PXT1: variants seen among roughly 807,000 people sequenced by gnomAD.
The protein encoded by PXT1 is peroxisomal testis-specific protein 1.
In PXT1, 11 loss-of-function variants were observed where a neutral mutation model predicts 11.0. The ratio of observed to expected loss-of-function variants is 1.00; its 90% CI spans 0.63 to 1.66. The LOEUF is 1.66. Ranked by LOEUF, PXT1 falls within the 40% of genes most tolerant of loss-of-function variation. The pLI is 0.00. For synonymous variants in PXT1, 43 were observed against 51.4 expected, an observed-to-expected ratio of 0.84 and a Z score of 0.70; for missense variants, 141 against 155.5, an observed-to-expected ratio of 0.91 and a Z score of 0.49.
chr6:36,428,259 C>T (rs551433256), intron 2 of PXT1, among the ~76,000 whole-genome samples: 13 of 152,142 alleles, frequency 8.5e-5, no homozygotes, highest in African/African-American at 3.1e-4. Context: ...TCCTGGCTAA[C>T]ACGGTGAAAC....
At chr6:36,432,292 G>T (rs1392153546) in intron 2 of PXT1, among the ~76,000 whole-genome samples, 1 of 151,978 alleles carries the variant, frequency 6.6e-6, no homozygotes, top group African/African-American at 2.4e-5. Flanking sequence ...AAGCCCAAAG[G>T]TAGTAAAGAA....
rs1774599888 is a variant in PXT1 at position 36,425,960 on chromosome 6, G to A, written c.123C>T (p.Thr41=). ...LKYSFQKAYM[T]QLVSSQPVPA... ...GAACTGGCTGGGAGCTGACAAGTTG[G>A]GTCATGTATGCCTTCTGAAAACTGT... Residue 41 remains threonine, a synonymous_variant, in exon 3 of 5, where the codon ACC becomes ACT. Transcript: ENST00000454782. The A allele has an allele frequency of 9.8e-6, 15 of 1,535,374 alleles. No individual in the cohort carries two copies. Among genetic ancestry groups the A allele is most frequent in the Non-Finnish European group, 1.2e-5 (14 of 1,146,364 alleles).
intron 4 of PXT1, among the ~76,000 whole-genome samples, chr6:36,396,852 T>G (rs1424195202): frequency 6.6e-6 from 1 of 151,950 alleles, no homozygotes; most frequent in African/African-American, 2.4e-5. Context: ...AACAACAAGT[T>G]GCAGAGAGGA....
intron 3 of PXT1, among the ~76,000 whole-genome samples, chr6:36,407,961 T>C (rs1433039932): frequency 1.3e-5 from 2 of 150,352 alleles, no homozygotes; most frequent in African/African-American, 4.9e-5. Flanking sequence ...TTCTTTCTTT[T>C]TTTTTTTTTT....
At chr6:36,423,375 C>A (rs1008896535) in intron 3 of PXT1, among the ~76,000 whole-genome samples, 1 of 152,276 alleles carries the variant, frequency 6.6e-6, no homozygotes, top group Non-Finnish European at 1.5e-5. Context: ...GTGAGAACCC[C>A]GCTCCCGCCC....
intron 1 of PXT1, among the ~76,000 whole-genome samples, chr6:36,441,051 G>A (rs1485444072): frequency 1.3e-5 from 2 of 149,962 alleles, no homozygotes; most frequent in East Asian, 2.0e-4. Context: ...AGGATAGCTT[G>A]AGCCTAGGAG....
intron 3 of PXT1, among the ~76,000 whole-genome samples, chr6:36,417,744 G>A (rs1343302832): frequency 4.1e-5 from 6 of 147,826 alleles, no homozygotes; most frequent in African/African-American, 7.5e-5. Flanking sequence ...CTCCAGCCTC[G>A]GAGACACAGT....
intron 3 of PXT1, among the ~76,000 whole-genome samples, chr6:36,403,331 C>T (rs562047129): frequency 6.6e-6 from 1 of 152,260 alleles, no homozygotes; most frequent in African/African-American, 2.4e-5. Flanking sequence ...TAGCACGGAC[C>T]CTGAACTAAA....
At chr6:36,395,339 G>T (rs1169074672) in intron 4 of PXT1, among the ~76,000 whole-genome samples, 1 of 152,046 alleles carries the variant, frequency 6.6e-6, no homozygotes, top group African/African-American at 2.4e-5. Flanking sequence ...CTAGAGAATC[G>T]ATGTGACTGC....
chr6:36,418,914 T>A (rs1206165564), intron 3 of PXT1, among the ~76,000 whole-genome samples: 1 of 151,940 alleles, frequency 6.6e-6, no homozygotes, highest in Admixed American at 6.6e-5. Flanking sequence ...AGGGGGGAGA[T>A]AGTGTGGGGC....
intron 1 of PXT1, 100 bp downstream of exon 1, chr6:36,442,435 T>C (rs1297767301): frequency 3.3e-5 from 5 of 152,286 alleles, no homozygotes; most frequent in African/African-American, 1.2e-4. Context: ...TATATAGATG[T>C]TTTTTGAATG....
intron 3 of PXT1, among the ~76,000 whole-genome samples, chr6:36,403,226 C>T (rs894018955): frequency 3.9e-5 from 6 of 152,180 alleles, no homozygotes; most frequent in African/African-American, 1.4e-4. Flanking sequence ...TGGTTTAGAG[C>T]AGTTGAGTAA....
intron 3 of PXT1, among the ~76,000 whole-genome samples, chr6:36,421,571 T>C (rs112310333): frequency 0.027 from 4,108 of 152,294 alleles, 180 homozygotes; most frequent in African/African-American, 0.092. Context: ...AAGACAAATA[T>C]TAGGGGAGAA....
At chr6:36,407,546 A>G (rs913282196) in intron 3 of PXT1, among the ~76,000 whole-genome samples, 2 of 151,870 alleles carry the variant, frequency 1.3e-5, no homozygotes, top group African/African-American at 2.4e-5. Context: ...TAAATGGCCC[A>G]GTAAGGAATT....
At chr6:36,441,784 A>T (rs1038466747) in intron 1 of PXT1, among the ~76,000 whole-genome samples, 2 of 152,234 alleles carry the variant, frequency 1.3e-5, no homozygotes, top group Non-Finnish European at 2.9e-5. Context: ...GAAAAAATTT[A>T]TGTCTTCAGT....
chr6:36,406,924 C>T (rs1285660034), intron 3 of PXT1, among the ~76,000 whole-genome samples: 2 of 152,112 alleles, frequency 1.3e-5, no homozygotes, highest in Admixed American at 1.3e-4. Flanking sequence ...GAAACCACAT[C>T]TTTCTGGAGG....
intron 3 of PXT1, among the ~76,000 whole-genome samples, chr6:36,418,761 C>T (rs1294957644): frequency 1.3e-5 from 2 of 152,198 alleles, no homozygotes; most frequent in Non-Finnish European, 2.9e-5. Context: ...CCTGAGGGCA[C>T]TGGAGAGTAC....
chr6:36,442,529 A>G lies in PXT1; in HGVS notation c.-130+6T>C, dbSNP rs1774892759. Reference sequence around the variant, plus strand: ...ATTTGTAATACACCTTTGTAATAGCAGGTACCTTCATGAAACTCAGTATTT... The same window carrying G: ...ATTTGTAATACACCTTTGTAATAGCGGGTACCTTCATGAAACTCAGTATTT... On this transcript the variant is annotated splice_donor_region_variant and intron_variant, in intron 1 of 4. Transcript: ENST00000454782. 1 of 152,208 alleles carries G rather than the reference A, an allele frequency of 6.6e-6. No individual in the cohort carries two copies. The highest frequency in any genetic ancestry group is 1.5e-5 in the Non-Finnish European group (1 of 68,040). 9.4% of individuals were successfully genotyped at this position (152,208 alleles called of 1,614,324 possible). A position where few individuals can be genotyped will look rare whatever the true frequency, so the allele number is the denominator to read the frequency against.
chr6:36,404,628 T>C (rs1418039305), intron 3 of PXT1, among the ~76,000 whole-genome samples: 1 of 151,976 alleles, frequency 6.6e-6, no homozygotes, highest in South Asian at 2.1e-4. Flanking sequence ...GGACTGTTAT[T>C]TTAGAGTATA....
Sources: gnomAD v4.1 joint callset for allele counts (sites outside exome capture counted in the v4.1 genomes callset) on GRCh38, gnomAD v4.1.1 for gene constraint, MANE v1.5 for transcripts, NCBI Gene and HGNC (gene_info 2026-07-23, HGNC 2026-07-21) for gene names.